PAPSS2: variants seen among roughly 807,000 people sequenced by gnomAD.
PAPSS2 encodes 3'-phosphoadenosine 5'-phosphosulfate synthase 2, also known as bifunctional 3'-phosphoadenosine 5'-phosphosulfate synthase 2.
In PAPSS2, 61 loss-of-function variants were observed where a neutral mutation model predicts 66.5. The ratio of observed to expected loss-of-function variants is 0.92; its 90% CI spans 0.75 to 1.14. The LOEUF is 1.14. Among genes scored for constraint, PAPSS2 ranks in the 50% most tolerant of loss-of-function variants. The pLI is 0.00. For missense variants in PAPSS2, 708 were observed against 789.6 expected, an observed-to-expected ratio of 0.90 and a Z score of 1.24; for synonymous variants, 289 against 287.5, an observed-to-expected ratio of 1.01 and a Z score of -0.05.
intron 1 of PAPSS2, among the ~76,000 whole-genome samples, chr10:87,665,850 C>T (rs1437054595): frequency 6.6e-6 from 1 of 152,184 alleles, no homozygotes; most frequent in African/African-American, 2.4e-5. Flanking sequence ...AAATATGCCC[C>T]ATAAGGATAA....
At chr10:87,687,767 A>G (rs1853106565) in intron 1 of PAPSS2, among the ~76,000 whole-genome samples, 2 of 152,224 alleles carry the variant, frequency 1.3e-5, no homozygotes, top group African/African-American at 4.8e-5. Context: ...ATGTATCGAA[A>G]TATCACCTTG....
At chr10:87,661,169 G>A (rs1852747839) in intron 1 of PAPSS2, 1 of 390,626 alleles carries the variant, frequency 2.6e-6, no homozygotes, top group South Asian at 1.9e-5. Context: ...ATAAAGCCAA[G>A]AAGTGGGGAA....
intron 7 of PAPSS2, among the ~76,000 whole-genome samples, chr10:87,719,374 C>T (rs2131714603): frequency 6.6e-6 from 1 of 152,300 alleles, no homozygotes; most frequent in Admixed American, 6.5e-5. Context: ...CTACCTACCT[C>T]ATTGGATGTT....
chr10:87,742,798 AG>A (rs1853885635), intron 10 of PAPSS2, among the ~76,000 whole-genome samples: 1 of 152,248 alleles, frequency 6.6e-6, no homozygotes, highest in African/African-American at 2.4e-5. Context: ...TGTACAGGAA[AG>A]GTCCTGGCAA....
At chr10:87,671,582 T>C (rs1476819495) in intron 1 of PAPSS2, among the ~76,000 whole-genome samples, 1 of 152,226 alleles carries the variant, frequency 6.6e-6, no homozygotes, top group Non-Finnish European at 1.5e-5. Flanking sequence ...TTGTCCATTA[T>C]GTGAGTGCTG....
intron 1 of PAPSS2, among the ~76,000 whole-genome samples, chr10:87,665,577 A>G (rs1852806204): frequency 6.6e-6 from 1 of 152,224 alleles, no homozygotes. Flanking sequence ...CATGAGAGCC[A>G]GCTTGTGAAT....
chr10:87,714,628 C>T, intron 4 of PAPSS2, 117 bp from the exon 5 acceptor site: 1 of 766,756 alleles, frequency 1.3e-6, no homozygotes. Flanking sequence ...TTGACCTTTT[C>T]TGTTAAAGTG....
chr10:87,688,678 C>T (rs944000343), intron 1 of PAPSS2, among the ~76,000 whole-genome samples: 3 of 151,848 alleles, frequency 2.0e-5, no homozygotes, highest in African/African-American at 4.8e-5. Context: ...GCCATGGTCT[C>T]GATCTCCTGA....
intron 1 of PAPSS2, among the ~76,000 whole-genome samples, chr10:87,706,563 C>T (rs1853392599): frequency 6.7e-6 from 1 of 149,558 alleles, no homozygotes; most frequent in Admixed American, 6.7e-5. Context: ...TGGAGATCAG[C>T]CTGGGCAACA....
At chr10:87,725,896 C>A (rs1211594572) in intron 8 of PAPSS2, among the ~76,000 whole-genome samples, 1 of 151,668 alleles carries the variant, frequency 6.6e-6, no homozygotes, top group East Asian at 1.9e-4. Flanking sequence ...CACACACACA[C>A]ACACACACAC....
At chr10:87,716,432 A>G (rs10788564) in intron 7 of PAPSS2, among the ~76,000 whole-genome samples, 76,331 of 152,094 alleles carry the variant, frequency 0.5, 20,091 homozygotes, top group East Asian at 0.71. Context: ...AAGCTCAGAA[A>G]CATGTGTTAT....
chr10:87,708,433 G>A (rs1435885645), intron 1 of PAPSS2, among the ~76,000 whole-genome samples: 2 of 152,102 alleles, frequency 1.3e-5, no homozygotes, highest in African/African-American at 2.4e-5. Context: ...TGGGAGCAAC[G>A]GGGATATTAC....
At chr10:87,719,377 T>C (rs1853568930) in intron 7 of PAPSS2, among the ~76,000 whole-genome samples, 1 of 152,174 alleles carries the variant, frequency 6.6e-6, no homozygotes, top group Admixed American at 6.5e-5. Flanking sequence ...CCTACCTCAT[T>C]GGATGTTGAA....
intron 2 of PAPSS2, 98 bp from the exon 3 acceptor site, chr10:87,712,977 T>C (rs1328735979): frequency 2.7e-6 from 2 of 729,530 alleles, no homozygotes; most frequent in Non-Finnish European, 4.8e-6. Flanking sequence ...TTTTTTTTTT[T>C]TAAGATTTAG....
intron 1 of PAPSS2, among the ~76,000 whole-genome samples, chr10:87,677,586 G>A (rs543195038): frequency 6.6e-6 from 1 of 152,276 alleles, no homozygotes; most frequent in African/African-American, 2.4e-5. Flanking sequence ...CCTGTAACCA[G>A]CTCCGTGCAG....
chr10:87,716,266 G>T (rs1489542313), intron 7 of PAPSS2, among the ~76,000 whole-genome samples: 1 of 152,136 alleles, frequency 6.6e-6, no homozygotes. Flanking sequence ...AAGCATTATT[G>T]CAACAACTGC....
Position 87,713,111 on chromosome 10 carries a change from C to T in PAPSS2, c.182C>T (p.Ala61Val), listed in dbSNP as rs866458452. The T allele has an allele frequency of 1.2e-6, 2 of 1,612,686 alleles. No individual in the cohort carries two copies. The highest frequency in any genetic ancestry group is 4.5e-5 in the East Asian group (2 of 44,860). The change falls in exon 3 of 13, where the codon GCC becomes GTC. Residue 61 changes from alanine to valine, a missense_variant. Physicochemically the swap from Ala to Val is moderately conservative, Grantham distance 64. Coordinates refer to ENST00000456849, the MANE Select transcript of PAPSS2 (RefSeq NM_001015880.2). ...GCTGGAAAAACAACGATAAGTTTTG[C>T]CCTGGAGGAGTACCTTGTCTCCCAT... is the stretch of plus-strand genomic sequence containing the variant. ...SGAGKTTISF[A>V]LEEYLVSHAI...
At chr10:87,679,887 A>G (rs1467696749) in intron 1 of PAPSS2, among the ~76,000 whole-genome samples, 2 of 151,912 alleles carry the variant, frequency 1.3e-5, no homozygotes, top group African/African-American at 4.8e-5. Context: ...TTAGCCAGGT[A>G]TGGTGGTGCG....
intron 1 of PAPSS2, among the ~76,000 whole-genome samples, chr10:87,681,567 A>T (rs1853021936): frequency 6.6e-6 from 1 of 152,224 alleles, no homozygotes; most frequent in African/African-American, 2.4e-5. Flanking sequence ...TATATACTAT[A>T]AAATTCACCC....
Sources: gnomAD v4.1 joint callset for allele counts (sites outside exome capture counted in the v4.1 genomes callset) on GRCh38, gnomAD v4.1.1 for gene constraint, MANE v1.5 for transcripts, NCBI Gene and HGNC (gene_info 2026-07-23, HGNC 2026-07-21) for gene names.